The following FAM3C variants were observed in gnomAD, a reference collection of about 807,000 sequenced individuals.
FAM3C encodes the protein protein FAM3C.
In FAM3C, 15 loss-of-function variants were observed where a neutral mutation model predicts 32.5. The observed-to-expected ratio is 0.46, with a 90% CI of 0.31 to 0.71. The LOEUF is 0.71. FAM3C is among the 30% of genes least tolerant of loss of function. The pLI is 0.05. For synonymous variants in FAM3C, 75 were observed against 86.1 expected (o/e 0.87, Z 0.72); for missense variants, 175 against 274.4 (o/e 0.64, Z 2.56).
intron 8 of FAM3C, among the ~76,000 whole-genome samples, chr7:121,356,726 C>T (rs542121490): frequency 6.6e-6 from 1 of 152,102 alleles, no homozygotes; most frequent in African/African-American, 2.4e-5. Flanking sequence ...AAGCCCTTCA[C>T]GTAGGCATAA....
At chr7:121,360,714 G>A (rs935483266) in intron 7 of FAM3C, among the ~76,000 whole-genome samples, 1 of 152,086 alleles carries the variant, frequency 6.6e-6, no homozygotes, top group Admixed American at 6.5e-5. Flanking sequence ...CATGCCTGTA[G>A]TCCTAGCTAC....
At chr7:121,355,125 A>AT (rs1162211395) in intron 8 of FAM3C, among the ~76,000 whole-genome samples, 1 of 152,190 alleles carries the variant, frequency 6.6e-6, no homozygotes, top group Non-Finnish European at 1.5e-5. Flanking sequence ...TGAGAATGAT[A>AT]TATCATCCAA....
intron 8 of FAM3C, among the ~76,000 whole-genome samples, chr7:121,355,529 A>C (rs1793789780): frequency 6.6e-6 from 1 of 152,210 alleles, no homozygotes; most frequent in Admixed American, 6.5e-5. Context: ...AGTGGGAAGG[A>C]GAGGGAAATA....
At chr7:121,361,091 C>T (rs865830060) in intron 7 of FAM3C, among the ~76,000 whole-genome samples, 7 of 152,174 alleles carry the variant, frequency 4.6e-5, no homozygotes, top group African/African-American at 1.4e-4. Flanking sequence ...AGTCATTACT[C>T]ATTTGATCTA....
chr7:121,364,080 C>G, intron 6 of FAM3C, 50 bp downstream of exon 6: 1 of 1,229,934 alleles, frequency 8.1e-7, no homozygotes, highest in East Asian at 2.3e-5. Context: ...TACTTTGGGA[C>G]AGAAAAATAC....
At chr7:121,360,178 C>G (rs775211538) in intron 7 of FAM3C, 51 bp from the exon 8 acceptor site, 1 of 900,660 alleles carries the variant, frequency 1.1e-6, no homozygotes. Context: ...GAATAAGCAT[C>G]ACGATAATCT....
chr7:121,370,270 C>G (rs1293792949), intron 5 of FAM3C, among the ~76,000 whole-genome samples: 1 of 152,152 alleles, frequency 6.6e-6, no homozygotes, highest in Admixed American at 6.5e-5. Flanking sequence ...TAATGATCAT[C>G]TAGCTCAAGC....
At chr7:121,364,840 T>G (rs1793994464) in intron 5 of FAM3C, among the ~76,000 whole-genome samples, 1 of 152,082 alleles carries the variant, frequency 6.6e-6, no homozygotes, top group South Asian at 2.1e-4. Context: ...AAGGTACCAG[T>G]GACAAATTTG....
intron 2 of FAM3C, among the ~76,000 whole-genome samples, chr7:121,379,841 T>C (rs2116939788): frequency 6.6e-6 from 1 of 152,212 alleles, no homozygotes; most frequent in South Asian, 2.1e-4. Context: ...TGCTTTAAAA[T>C]AATAAAGTCT....
chr7:121,371,203 G>T, intron 5 of FAM3C, 97 bp downstream of exon 5: 1 of 1,387,788 alleles, frequency 7.2e-7, no homozygotes, highest in Non-Finnish European at 1.0e-6. Context: ...CATTAATAAA[G>T]TATACCGAAC....
chr7:121,390,520 A>G (rs539965221), intron 1 of FAM3C, among the ~76,000 whole-genome samples: 1 of 152,284 alleles, frequency 6.6e-6, no homozygotes, highest in South Asian at 2.1e-4. Context: ...TAGCCACAAG[A>G]TTGGAAATTA....
intron 1 of FAM3C, among the ~76,000 whole-genome samples, chr7:121,394,469 T>C (rs1312235422): frequency 6.6e-6 from 1 of 152,220 alleles, no homozygotes; most frequent in East Asian, 1.9e-4. Flanking sequence ...TACTCCCTTT[T>C]GAAACAGAAG....
chr7:121,364,460 G>T, intron 5 of FAM3C: 1 of 336,042 alleles, frequency 3.0e-6, no homozygotes, highest in Non-Finnish European at 5.4e-6. Context: ...GTGCTACACT[G>T]CTTCAGATTA....
intron 3 of FAM3C, among the ~76,000 whole-genome samples, chr7:121,376,440 A>G (rs1794239306): frequency 6.6e-6 from 1 of 152,180 alleles, no homozygotes; most frequent in Non-Finnish European, 1.5e-5. Context: ...GGGAGTACAA[A>G]AGGCAGAATT....
chr7:121,360,714 G>C (rs935483266), intron 7 of FAM3C, among the ~76,000 whole-genome samples: 1 of 152,086 alleles, frequency 6.6e-6, no homozygotes, highest in Non-Finnish European at 1.5e-5. Flanking sequence ...CATGCCTGTA[G>C]TCCTAGCTAC....
rs543242088 is a variant in FAM3C at position 121,353,424 on chromosome 7, A to G, written c.468-2155T>C. On this transcript the variant is annotated intron_variant, in intron 8 of 9. Coordinates refer to ENST00000359943, the MANE Select transcript of FAM3C (RefSeq NM_014888.3). ...CATTAATCTTATTCCTTGCTTTTCC[A>G]TTAGAAGATACTGAGATCCTGTGCA... is the stretch of plus-strand genomic sequence containing the variant. 4.1e-4 allele frequency among the ~76,000 whole-genome samples: 63 copies of G among 152,306 alleles called. No homozygotes were observed. The South Asian group carries it at 0.012, about 30-fold the overall frequency.
chr7:121,382,896 A>G, intron 2 of FAM3C, 61 bp downstream of exon 2: 1 of 1,230,336 alleles, frequency 8.1e-7, no homozygotes, highest in Non-Finnish European at 1.2e-6. Context: ...TCCTTTAGTT[A>G]TTCTTTAACA....
intron 5 of FAM3C, among the ~76,000 whole-genome samples, chr7:121,370,498 T>G (rs1794124335): frequency 6.6e-6 from 1 of 152,172 alleles, no homozygotes. Context: ...TATATTAAAT[T>G]TAAATAAGCC....
chr7:121,379,328 C>A (rs1344260776), intron 2 of FAM3C, among the ~76,000 whole-genome samples: 1 of 152,008 alleles, frequency 6.6e-6, no homozygotes, highest in African/African-American at 2.4e-5. Context: ...GGAACACCAC[C>A]ACCAAGTTTG....
Sources: gnomAD v4.1 joint callset for allele counts (sites outside exome capture counted in the v4.1 genomes callset) on GRCh38, gnomAD v4.1.1 for gene constraint, MANE v1.5 for transcripts, NCBI Gene and HGNC (gene_info 2026-07-23, HGNC 2026-07-21) for gene names.